Variants in CEP170 observed in about 807,000 individuals in gnomAD.
CEP170 encodes the protein centrosomal protein of 170 kDa.
Under a neutral mutation model 151.9 loss-of-function variants are expected in CEP170, and 21 were observed. That is an observed-to-expected ratio of 0.14 (90% CI 0.10 to 0.20). The LOEUF (loss-of-function observed/expected upper bound fraction) is 0.20. CEP170 is among the 10% of genes least tolerant of loss of function. The pLI is 1.00. For missense variants in CEP170, 964 were observed against 1,892.9 expected, an observed-to-expected ratio of 0.51 and a Z score of 9.11; for synonymous variants, 356 against 648.8, an observed-to-expected ratio of 0.55 and a Z score of 6.86.
intron 3 of CEP170, among the ~76,000 whole-genome samples, chr1:243,218,224 A>C (rs983026681): frequency 6.6e-6 from 1 of 152,190 alleles, no homozygotes; most frequent in Non-Finnish European, 1.5e-5. Flanking sequence ...CACAGGTCTG[A>C]TGCTGGCAGG....
chr1:243,252,266 C>G (rs2066006370), intron 1 of CEP170, among the ~76,000 whole-genome samples: 1 of 152,098 alleles, frequency 6.6e-6, no homozygotes, highest in Non-Finnish European at 1.5e-5. Context: ...GGTTGTCTGT[C>G]AGATACTTAG....
chr1:243,237,693 A>G (rs774900554), intron 1 of CEP170, among the ~76,000 whole-genome samples: 1 of 152,156 alleles, frequency 6.6e-6, no homozygotes, highest in Non-Finnish European at 1.5e-5. Flanking sequence ...CCCTGAGGTC[A>G]GGAGTTCGAG....
In CEP170 at chr1:243,166,084, T is replaced by C. The variant is rs1254117558; in HGVS notation, c.1876A>G (p.Arg626Gly). 1.2e-6 allele frequency: 2 copies of C among 1,613,014 alleles called. No individual in the cohort carries two copies. The highest frequency in any genetic ancestry group is 3.3e-5 in the Admixed American group (2 of 59,860). ...AAGGAAGTTGCAGAGCCAGTACTTC[T>C]CACTGTCATGCCAGACTCACTGATC... Reference protein sequence around the residue: ...TEISESGMTVRSTGSATSLAS... With the variant: ...TEISESGMTVGSTGSATSLAS... The change falls in exon 13 of 20, where the codon AGA becomes GGA. Residue 626 changes from arginine to glycine, a missense_variant. Arg to Gly is a moderately radical substitution (Grantham distance 125). Coordinates refer to ENST00000366542, the MANE Select transcript of CEP170 (RefSeq NM_014812.3).
Position 243,156,631 on chromosome 1 carries a change from T to A in CEP170, c.3677-176A>T, listed in dbSNP as rs1341556891. The A allele has an allele frequency of 7.9e-6, 4 of 505,532 alleles. No homozygotes were observed. The Admixed American group carries it at 1.1e-4, about 14-fold the overall frequency. 31.3% of individuals were successfully genotyped at this position (505,532 alleles called of 1,614,324 possible). A position where few individuals can be genotyped will look rare whatever the true frequency, so the allele number is the denominator to read the frequency against. On this transcript the variant is annotated intron_variant, in intron 13 of 19. Transcript: ENST00000366542. ...TACTACTCCTTAGAGATAGAAACAT[T>A]ACACTTCGGTGAATTAAAAACAATG... is the stretch of plus-strand genomic sequence containing the variant.
At chr1:243,181,314 A>G (rs2059603916) in intron 10 of CEP170, among the ~76,000 whole-genome samples, 1 of 152,158 alleles carries the variant, frequency 6.6e-6, no homozygotes, top group South Asian at 2.1e-4. Context: ...GCACTTTCTT[A>G]TAGTGTATTT....
At chr1:243,188,362 A>G (rs896361882) in intron 8 of CEP170, among the ~76,000 whole-genome samples, 6 of 152,224 alleles carry the variant, frequency 3.9e-5, no homozygotes, top group African/African-American at 4.8e-5. Context: ...TATCTTTCCT[A>G]TAACTTGTAG....
intron 13 of CEP170, among the ~76,000 whole-genome samples, chr1:243,160,416 A>AT (rs2057971419): frequency 6.6e-6 from 1 of 152,078 alleles, no homozygotes; most frequent in Non-Finnish European, 1.5e-5. Context: ...TACAAAATTT[A>AT]TTTTTTAATT....
intron 12 of CEP170, 181 bp downstream of exon 12, chr1:243,169,447 G>T: frequency 2.6e-6 from 3 of 1,167,312 alleles, no homozygotes; most frequent in African/African-American, 1.6e-5. Flanking sequence ...TTATCAGCAT[G>T]AGAATATGTG....
rs750909840 is a variant in CEP170 at position 243,164,953 on chromosome 1, C to T, written c.3007G>A (p.Ala1003Thr). 2.5e-6 allele frequency: 4 copies of T among 1,613,748 alleles called. No individual in the cohort carries two copies. The South Asian group carries it at 3.3e-5, about 13-fold the overall frequency. ...KSRSTDVGSR[A>T]DGRKFVQSSG... is the part of the protein sequence containing the mutation. ...GACTGAACAAATTTACGACCATCTG[C>T]TCTTGAACCCACATCTGTGGAACGA... Residue 1003 changes from alanine (A) to threonine (T), a missense_variant, in exon 13 of 20, where the codon GCA becomes ACA. Physicochemically the swap from Ala to Thr is moderately conservative, Grantham distance 58. Coordinates refer to ENST00000366542, the MANE Select transcript of CEP170 (RefSeq NM_014812.3).
chr1:243,159,796 T>TGTGTGTGTGTGTGTGTGTGTGC (rs2057907831), intron 13 of CEP170, among the ~76,000 whole-genome samples: 1 of 151,510 alleles, frequency 6.6e-6, no homozygotes, highest in Admixed American at 6.6e-5. Context: ...TGTGTGTGTG[T>TGTGTGTGTGTGTGTGTGTGTGC]GTGTGTTTTT....
At chr1:243,139,860 T>A in intron 16 of CEP170, 77 bp downstream of exon 16, 2 of 1,495,450 alleles carry the variant, frequency 1.3e-6, no homozygotes, top group Non-Finnish European at 1.8e-6. Flanking sequence ...CCAGCCCTAC[T>A]CACTGAATGG....
intron 13 of CEP170, chr1:243,163,362 A>G (rs1415578829): frequency 6.6e-6 from 1 of 152,234 alleles, no homozygotes; most frequent in African/African-American, 2.4e-5. Flanking sequence ...CCACGTCCAC[A>G]TATGAGGCTC....
intron 3 of CEP170, among the ~76,000 whole-genome samples, chr1:243,213,610 G>C (rs749201390): frequency 6.6e-6 from 1 of 151,968 alleles, no homozygotes; most frequent in Non-Finnish European, 1.5e-5. Flanking sequence ...GAAAGAATGT[G>C]TCCATGAAAA....
At chr1:243,178,713 ATCT>A (rs763222611) in intron 10 of CEP170, among the ~76,000 whole-genome samples, 24 of 151,032 alleles carry the variant, frequency 1.6e-4, no homozygotes, top group South Asian at 8.4e-4. Context: ...ATGGGACTCT[ATCT>A]TCTTCTTCTT....
At chr1:243,201,377 G>A (rs951100702) in intron 4 of CEP170, among the ~76,000 whole-genome samples, 5 of 152,238 alleles carry the variant, frequency 3.3e-5, no homozygotes, top group South Asian at 2.1e-4. Flanking sequence ...AATCAAGGTC[G>A]TATTACATTA....
At chr1:243,129,889 T>G (rs1472299731) in intron 17 of CEP170, among the ~76,000 whole-genome samples, 2 of 152,034 alleles carry the variant, frequency 1.3e-5, no homozygotes, top group Non-Finnish European at 2.9e-5. Context: ...AAAGACCACA[T>G]TCACATAACT....
At chr1:243,243,266 G>C (rs781357529) in intron 1 of CEP170, among the ~76,000 whole-genome samples, 7 of 152,024 alleles carry the variant, frequency 4.6e-5, no homozygotes, top group Non-Finnish European at 7.4e-5. Flanking sequence ...AAAACATAAA[G>C]CAAGGGCTCT....
At chr1:243,232,153 TG>T in intron 1 of CEP170, among the ~76,000 whole-genome samples, 1 of 152,090 alleles carries the variant, frequency 6.6e-6, no homozygotes, top group Non-Finnish European at 1.5e-5. Context: ...TTTTTAGAGA[TG>T]GGGTTTTGCC....
intron 17 of CEP170, among the ~76,000 whole-genome samples, chr1:243,135,107 G>A (rs1442493737): frequency 2.0e-5 from 3 of 151,950 alleles, no homozygotes; most frequent in East Asian, 1.9e-4. Flanking sequence ...GGGACAAGAC[G>A]GTGCAGAATA....
Sources: gnomAD v4.1 joint callset for allele counts (sites outside exome capture counted in the v4.1 genomes callset) on GRCh38, gnomAD v4.1.1 for gene constraint, MANE v1.5 for transcripts, NCBI Gene and HGNC (gene_info 2026-07-23, HGNC 2026-07-21) for gene names.